Variants in PPP2R5E observed in about 807,000 individuals in gnomAD.
The protein encoded by PPP2R5E is protein phosphatase 2 regulatory subunit B'epsilon.
PPP2R5E carries 4 observed loss-of-function variants against 65.3 expected under a neutral mutation model. That is an observed-to-expected ratio of 0.06 (90% CI 0.03 to 0.14). The LOEUF (loss-of-function observed/expected upper bound fraction) is 0.14. Among genes scored for constraint, PPP2R5E ranks in the 10% least tolerant of loss-of-function variants. The pLI, the probability that PPP2R5E is intolerant of heterozygous loss-of-function variation, is 1.00. For missense variants in PPP2R5E, 274 were observed against 556.1 expected (o/e 0.49, Z 5.10); for synonymous variants, 183 against 187.4 (o/e 0.98, Z 0.19).
At chr14:63,407,076 G>A (rs1886131532) in intron 5 of PPP2R5E, among the ~76,000 whole-genome samples, 1 of 152,176 alleles carries the variant, frequency 6.6e-6, no homozygotes. Context: ...ATACTTCTGA[G>A]AGTTTGTATA....
chr14:63,495,301 G>C (rs1891493973), intron 2 of PPP2R5E, among the ~76,000 whole-genome samples: 1 of 151,746 alleles, frequency 6.6e-6, no homozygotes, highest in African/African-American at 2.4e-5. Context: ...GCCAGGCACG[G>C]TGGTTCACGC....
At chr14:63,425,433 T>G (rs1457757108) in intron 3 of PPP2R5E, among the ~76,000 whole-genome samples, 1 of 152,226 alleles carries the variant, frequency 6.6e-6, no homozygotes, top group South Asian at 2.1e-4. Flanking sequence ...TCATCCCAAC[T>G]GAGTCATTTA....
intron 2 of PPP2R5E, among the ~76,000 whole-genome samples, chr14:63,478,854 G>A (rs1026922995): frequency 2.6e-5 from 4 of 152,162 alleles, no homozygotes; most frequent in African/African-American, 9.7e-5. Flanking sequence ...CGGGTACGGT[G>A]GCTCATGCCT....
intron 2 of PPP2R5E, among the ~76,000 whole-genome samples, chr14:63,479,101 C>G (rs888516934): frequency 1.3e-5 from 2 of 152,088 alleles, no homozygotes; most frequent in African/African-American, 2.4e-5. Context: ...TGCACTCCAA[C>G]ATGGGTGACA....
chr14:63,484,293 G>T (rs1890864382), intron 2 of PPP2R5E, among the ~76,000 whole-genome samples: 1 of 150,808 alleles, frequency 6.6e-6, no homozygotes, highest in South Asian at 2.1e-4. Context: ...AGGGGAAACT[G>T]AAGGCATCAG....
chr14:63,380,164 C>G (rs1003216997), intron 13 of PPP2R5E, among the ~76,000 whole-genome samples: 1 of 151,870 alleles, frequency 6.6e-6, no homozygotes, highest in African/African-American at 2.4e-5. Context: ...TGAGATTCTA[C>G]GGATTTAATC....
intron 2 of PPP2R5E, among the ~76,000 whole-genome samples, chr14:63,497,008 A>T (rs993054770): frequency 6.6e-6 from 1 of 152,034 alleles, no homozygotes; most frequent in Non-Finnish European, 1.5e-5. Context: ...AAACCACCCC[A>T]GTACCCCTCC....
rs150995594 is a variant in PPP2R5E at position 63,426,505 on chromosome 14, T to C, written c.355-4411A>G. 5.2e-3 allele frequency among the ~76,000 whole-genome samples: 795 copies of C among 151,744 alleles called. 5 individuals are homozygous for C. The highest frequency in any genetic ancestry group is 0.019 in the African/African-American group (774 of 41,430). ...ATAAGAATGTAAATGGTCCACTAAA[T>C]GGAAATTAAAAGCTGTATTAAAGCA... is the stretch of plus-strand genomic sequence containing the variant. On this transcript the variant is annotated intron_variant, in intron 3 of 13. Coordinates refer to ENST00000337537, the MANE Select transcript of PPP2R5E (RefSeq NM_006246.5).
chr14:63,484,319 T>G (rs149652506), intron 2 of PPP2R5E, among the ~76,000 whole-genome samples: 11 of 147,438 alleles, frequency 7.5e-5, no homozygotes, highest in Non-Finnish European at 1.3e-4. Flanking sequence ...ATATGATCGA[T>G]CTCTTTCTTT....
chr14:63,517,707 CAAG>C (rs1019777723), intron 2 of PPP2R5E, among the ~76,000 whole-genome samples: 5 of 152,222 alleles, frequency 3.3e-5, no homozygotes, highest in Admixed American at 2.6e-4. Context: ...TAGAAAGTGA[CAAG>C]GAGGTGGATT....
intron 11 of PPP2R5E, among the ~76,000 whole-genome samples, chr14:63,387,743 C>T (rs1297661402): frequency 6.6e-6 from 1 of 152,166 alleles, no homozygotes; most frequent in Non-Finnish European, 1.5e-5. Flanking sequence ...CCCAACGTGA[C>T]TATATTTGGA....
intron 4 of PPP2R5E, 55 bp downstream of exon 4, chr14:63,421,938 A>G: frequency 7.3e-7 from 1 of 1,362,042 alleles, no homozygotes; most frequent in Non-Finnish European, 1.0e-6. Context: ...TCCCATGCTA[A>G]TCAGCTAATG....
chr14:63,523,957 T>C (rs1893079229), intron 2 of PPP2R5E, among the ~76,000 whole-genome samples: 2 of 152,200 alleles, frequency 1.3e-5, no homozygotes, highest in African/African-American at 4.8e-5. Flanking sequence ...GAACCTACTC[T>C]GAATTCTCAC....
At position 63,372,648 on chromosome 14, in the gene PPP2R5E, C is replaced by G. The variant is rs1883750266; in HGVS notation, c.*3361G>C. 6.6e-6 allele frequency: 1 copy of G among 152,092 alleles called. No individual in the cohort carries two copies. Among genetic ancestry groups the G allele is most frequent in the South Asian group, 2.1e-4 (1 of 4,824 alleles). 9.4% of individuals were successfully genotyped at this position (152,092 alleles called of 1,614,324 possible). A position where few individuals can be genotyped will look rare whatever the true frequency, so the allele number is the denominator to read the frequency against. On this transcript the variant is annotated 3_prime_UTR_variant, in exon 14 of 14. Transcript: ENST00000337537. ...CAATAACATCCATACATCCCTTTCC[C>G]ATCCCACCCTCATCCCCACAAAAAA...
At chr14:63,519,507 A>ATTTTTTTTTTTTT (rs557285871) in intron 2 of PPP2R5E, among the ~76,000 whole-genome samples, 2 of 124,326 alleles carry the variant, frequency 1.6e-5, no homozygotes, top group African/African-American at 3.3e-5. Flanking sequence ...TGCCCAGCTA[A>ATTTTTTTTTTTTT]TTTTTTTTTT....
intron 3 of PPP2R5E, among the ~76,000 whole-genome samples, chr14:63,430,252 G>T (rs1039600696): frequency 2.6e-5 from 4 of 151,916 alleles, no homozygotes; most frequent in Non-Finnish European, 4.4e-5. Flanking sequence ...AGTGGCTCAC[G>T]CCTGTAATCC....
intron 2 of PPP2R5E, among the ~76,000 whole-genome samples, chr14:63,505,598 G>A (rs79092631): frequency 0.012 from 1,786 of 152,302 alleles, 32 homozygotes; most frequent in African/African-American, 0.041. Flanking sequence ...AGTATGGACT[G>A]CAAGCTGGAG....
intron 5 of PPP2R5E, among the ~76,000 whole-genome samples, chr14:63,411,034 G>T (rs1489135388): frequency 6.6e-6 from 1 of 152,204 alleles, no homozygotes; most frequent in Non-Finnish European, 1.5e-5. Flanking sequence ...TTTTAGGACA[G>T]ATGAACAAAC....
At chr14:63,524,246 C>T (rs1394373443) in intron 2 of PPP2R5E, among the ~76,000 whole-genome samples, 1 of 152,156 alleles carries the variant, frequency 6.6e-6, no homozygotes, top group Non-Finnish European at 1.5e-5. Context: ...GCCTACATAA[C>T]GGATGAACTT....
Sources: allele counts gnomAD v4.1 joint callset (sites outside exome capture counted in the v4.1 genomes callset), GRCh38; gene constraint gnomAD v4.1.1; transcripts MANE v1.5; gene names NCBI Gene and HGNC (gene_info 2026-07-23, HGNC 2026-07-21).